The following PIWIL3 variants were observed in gnomAD, a reference collection of about 807,000 sequenced individuals.
PIWIL3 encodes the protein piwi-like protein 3.
Under a neutral mutation model 109.7 loss-of-function variants are expected in PIWIL3, and 101 were observed. That is an observed-to-expected ratio of 0.92 (90% CI 0.78 to 1.09). PIWIL3 has a LOEUF of 1.09. PIWIL3 is among the 50% of genes least tolerant of loss of function. PIWIL3 has a pLI of 0.00. For missense variants in PIWIL3, 1,031 were observed against 1,072.6 expected (o/e 0.96, Z 0.54); for synonymous variants, 373 against 376.4 (o/e 0.99, Z 0.10).
At chr22:24,732,907 A>C (rs188831347) in intron 14 of PIWIL3, among the ~76,000 whole-genome samples, 3 of 152,264 alleles carry the variant, frequency 2.0e-5, no homozygotes, top group Admixed American at 2.0e-4. Flanking sequence ...GAATTCAAAC[A>C]GCTGCCAAAG....
At chr22:24,757,202 T>C (rs1925102753) in intron 4 of PIWIL3, among the ~76,000 whole-genome samples, 2 of 152,124 alleles carry the variant, frequency 1.3e-5, no homozygotes, top group Admixed American at 6.5e-5. Flanking sequence ...TGAGCCCTTA[T>C]GCAAGCATAC....
At chr22:24,754,721 A>G in intron 7 of PIWIL3, 63 bp downstream of exon 7, 1 of 1,331,242 alleles carries the variant, frequency 7.5e-7, no homozygotes, top group African/African-American at 1.5e-5. Context: ...TGAAATGAAT[A>G]ACTTTCTCAA....
intron 1 of PIWIL3, among the ~76,000 whole-genome samples, chr22:24,773,244 G>A (rs1173480887): frequency 2.0e-5 from 3 of 152,166 alleles, no homozygotes; most frequent in African/African-American, 7.2e-5. Context: ...GCTCAGCAGG[G>A]AGGGCATTAC....
chr22:24,740,475 G>A (rs1180371494), intron 12 of PIWIL3, among the ~76,000 whole-genome samples: 3 of 150,556 alleles, frequency 2.0e-5, no homozygotes, highest in Non-Finnish European at 4.4e-5. Flanking sequence ...ATGAACCCGG[G>A]AGGCAGAGTT....
intron 14 of PIWIL3, among the ~76,000 whole-genome samples, chr22:24,730,141 C>T (rs1923253031): frequency 6.6e-6 from 1 of 151,966 alleles, no homozygotes; most frequent in South Asian, 2.1e-4. Flanking sequence ...CCAAAGTGGG[C>T]AGATCACAAG....
Position 24,756,581 on chromosome 22 carries a change from T to C in PIWIL3, c.480A>G (p.Thr160=), listed in dbSNP as rs760260525. 11 of 1,613,936 alleles carry C rather than the reference T, an allele frequency of 6.8e-6. No individual in the cohort carries two copies. Among genetic ancestry groups the C allele is most frequent in the Non-Finnish European group, 8.5e-6 (10 of 1,179,954 alleles). ...KPDIEDGNLR[T]ILLDQHRRKF... is the part of the protein sequence containing the mutation. ...TCCTTCTATGTTGATCAAGTAAAAT[T>C]GTACGGAGATTTCCATCTTCTATGT... Residue 160 remains threonine, a synonymous_variant, in exon 5 of 21, where the codon ACA becomes ACG. Transcript: ENST00000616349.
At chr22:24,760,221 G>C (rs887803943) in intron 2 of PIWIL3, among the ~76,000 whole-genome samples, 7 of 152,186 alleles carry the variant, frequency 4.6e-5, no homozygotes, top group African/African-American at 1.4e-4. Context: ...TTACTGGGAA[G>C]GTAGGGTGTG....
intron 16 of PIWIL3, among the ~76,000 whole-genome samples, chr22:24,726,259 T>C (rs752500318): frequency 2.6e-5 from 4 of 152,234 alleles, no homozygotes; most frequent in Non-Finnish European, 5.9e-5. Context: ...TTTCTCTTTG[T>C]TCAAGGTATT....
In PIWIL3 at chr22:24,725,615, A is replaced by C. The variant is rs935073469; in HGVS notation, c.2010-100T>G. 35 of 1,129,248 alleles carry C rather than the reference A, an allele frequency of 3.1e-5. No homozygotes were observed. In the Middle Eastern group the frequency reaches 9.9e-4, roughly 32 times the overall value. 70.0% of individuals were successfully genotyped at this position (1,129,248 alleles called of 1,614,324 possible). A position where few individuals can be genotyped will look rare whatever the true frequency, so the allele number is the denominator to read the frequency against. Reference sequence around the variant, plus strand: ...CAAAAAATATTACTATCAGTAGTTAAGGACATTTTAGCATCAATTCATATC... The same window carrying C: ...CAAAAAATATTACTATCAGTAGTTACGGACATTTTAGCATCAATTCATATC... On this transcript the variant is annotated intron_variant, in intron 16 of 20. Transcript: ENST00000616349.
intron 12 of PIWIL3, among the ~76,000 whole-genome samples, chr22:24,744,218 C>A (rs986369748): frequency 7.8e-5 from 7 of 89,214 alleles, no homozygotes; most frequent in Non-Finnish European, 1.5e-4. Flanking sequence ...CAATGATCTG[C>A]TGCCTGCAAA....
intron 16 of PIWIL3, among the ~76,000 whole-genome samples, chr22:24,726,553 G>T (rs1419953965): frequency 1.3e-5 from 2 of 152,142 alleles, no homozygotes; most frequent in East Asian, 3.9e-4. Flanking sequence ...CCAAAGTGCT[G>T]GGATTACAGG....
intron 5 of PIWIL3, among the ~76,000 whole-genome samples, chr22:24,756,174 T>C (rs554135240): frequency 6.6e-6 from 1 of 152,278 alleles, no homozygotes; most frequent in East Asian, 1.9e-4. Flanking sequence ...AAATAAGTTC[T>C]CTAACTTGTT....
chr22:24,769,427 A>T (rs1250320808), intron 1 of PIWIL3, among the ~76,000 whole-genome samples: 1 of 152,140 alleles, frequency 6.6e-6, no homozygotes, highest in East Asian at 1.9e-4. Context: ...ACTAGCTAAC[A>T]TGGTGAAACC....
At chr22:24,720,274 T>TA (rs1569093658) in intron 19 of PIWIL3, among the ~76,000 whole-genome samples, 1 of 141,324 alleles carries the variant, frequency 7.1e-6, no homozygotes, top group Non-Finnish European at 1.5e-5. Flanking sequence ...TTTTTTTTTT[T>TA]TTTTTTTTTT....
chr22:24,759,868 C>T lies in PIWIL3; in HGVS notation c.223+1G>A, dbSNP rs1381858796. 1.2e-6 allele frequency: 2 copies of T among 1,613,940 alleles called. No homozygotes were observed. The highest frequency in any genetic ancestry group is 1.3e-5 in the African/African-American group (1 of 74,906). On this transcript the variant is annotated splice_donor_variant, in intron 3 of 20. Transcript: ENST00000616349. LOFTEE classifies it high-confidence loss of function. The stretch of plus-strand genomic sequence containing the variant: ...CTCATGTCCTTCTTGCTTCCTTTCA[C>T]CTTGAGACTGTGCTCCTCCTCCTGC...
chr22:24,743,605 G>A (rs1303543150), intron 12 of PIWIL3, among the ~76,000 whole-genome samples: 7 of 152,306 alleles, frequency 4.6e-5, no homozygotes, highest in Admixed American at 4.6e-4. Context: ...TCACTCATAA[G>A]TGGGAGCTGA....
At chr22:24,753,690 G>T (rs532991325) in intron 8 of PIWIL3, among the ~76,000 whole-genome samples, 6 of 152,302 alleles carry the variant, frequency 3.9e-5, no homozygotes, top group African/African-American at 1.4e-4. Context: ...TTGCTGATGG[G>T]TTATAACTAA....
rs577875419 is a variant in PIWIL3 at position 24,720,196 on chromosome 22, A to G, written c.2358-301T>C. 1.2e-3 allele frequency among the ~76,000 whole-genome samples: 175 copies of G among 147,538 alleles called. 8 individuals are homozygous for G. In the South Asian group the frequency reaches 0.036, roughly 30 times the overall value. On this transcript the variant is annotated intron_variant, in intron 19 of 20. Transcript: ENST00000616349. Reference sequence around the variant, plus strand: ...ATCTGATATGGCCATAGATAATTCTATTCGGAGATTCTTGGATGAAGGCCT... The same window carrying G: ...ATCTGATATGGCCATAGATAATTCTGTTCGGAGATTCTTGGATGAAGGCCT...
In PIWIL3 at chr22:24,719,795, C is replaced by T. The variant is rs763933056; in HGVS notation, c.2458G>A (p.Val820Ile). ...CATAGACAATATGTTAAACGCTGTA[C>T]TGTATCTGGGCTCAAGCCAATCGTG... ...YDTIGLSPDT[V>I]QRLTYCLCHM... The change falls in exon 20 of 21, where the codon GTA (valine) becomes ATA (isoleucine). Residue 820 changes from valine (V) to isoleucine (I), a missense_variant. By Grantham distance (29) the Val-to-Ile change is conservative. Transcript: ENST00000616349. 6.8e-6 allele frequency: 11 copies of T among 1,613,160 alleles called. No individual in the cohort carries two copies. Among genetic ancestry groups the T allele is most frequent in the Non-Finnish European group, 7.6e-6 (9 of 1,179,240 alleles).
Sources: gnomAD v4.1 joint callset for allele counts (sites outside exome capture counted in the v4.1 genomes callset) on GRCh38, gnomAD v4.1.1 for gene constraint, MANE v1.5 for transcripts, NCBI Gene and HGNC (gene_info 2026-07-23, HGNC 2026-07-21) for gene names.